NPTN: variants seen among roughly 807,000 people sequenced by gnomAD.
NPTN encodes the protein SDR-1.
A neutral mutation model predicts 42.7 loss-of-function variants in NPTN; 5 were observed. The ratio of observed to expected loss-of-function variants is 0.12; its 90% CI spans 0.06 to 0.25. The LOEUF (loss-of-function observed/expected upper bound fraction) is 0.25. NPTN is among the 10% of genes least tolerant of loss of function. NPTN has a pLI of 1.00. For synonymous variants in NPTN, 180 were observed against 201.9 expected (o/e 0.89, Z 0.92); for missense variants, 307 against 525.4 (o/e 0.58, Z 4.06).
chr15:73,592,167 C>A, intron 2 of NPTN, 30 bp from the exon 3 acceptor site: 2 of 1,592,768 alleles, frequency 1.3e-6, no homozygotes, highest in South Asian at 1.1e-5. Flanking sequence ...TGATAGGGGG[C>A]AATAGCCTTC....
At chr15:73,580,623 G>GTATATATGTATATACATGT (rs1555408100) in intron 4 of NPTN, among the ~76,000 whole-genome samples, 12 of 142,756 alleles carry the variant, frequency 8.4e-5, no homozygotes, top group African/African-American at 3.1e-4. Context: ...TGTTATATAT[G>GTATATATGTATATACATGT]TATATATGTA....
rs1479735985 is a variant in NPTN, at chr15:73,633,106, C to T, written c.91+19G>A. The T allele has an allele frequency of 7.0e-7, 1 of 1,435,574 alleles. No homozygotes were observed. Among genetic ancestry groups the T allele is most frequent in the Non-Finnish European group, 9.1e-7 (1 of 1,096,132 alleles). The allele number at this position is 1,435,574 out of a possible 1,614,324, so 88.9% of individuals were successfully genotyped here. ...CGCCCCTCAACCCCCGCCCGGCCCG[C>T]CCCCGGCGCCCCGCTTACCGTTCTG... On this transcript the variant is annotated intron_variant, in intron 1 of 8. Transcript: ENST00000345330.
At chr15:73,609,592 T>C (rs547148998) in intron 1 of NPTN, among the ~76,000 whole-genome samples, 32 of 152,082 alleles carry the variant, frequency 2.1e-4, no homozygotes, top group Non-Finnish European at 3.8e-4. Context: ...GACGGCGCCA[T>C]TGTACTCCAG....
chr15:73,633,351 T>G lies in NPTN; in HGVS notation c.-136A>C, dbSNP rs1898876018. ...AGGCAGCCGCGGCTCGGCTCCGTCC[T>G]TCCCCGTCCTCCTCCTGCCGCCGCA... On this transcript the variant is annotated 5_prime_UTR_variant, in exon 1 of 9. Transcript: ENST00000345330. 1 of 578,462 alleles carries G rather than the reference T, an allele frequency of 1.7e-6. No homozygotes were observed. The allele number at this position is 578,462 out of a possible 1,614,324, so 35.8% of individuals were successfully genotyped here.
chr15:73,575,396 C>T (rs1358983876), intron 4 of NPTN, among the ~76,000 whole-genome samples: 2 of 152,250 alleles, frequency 1.3e-5, no homozygotes, highest in African/African-American at 4.8e-5. Flanking sequence ...GGATTACAGG[C>T]GTGAGCCACC....
At chr15:73,612,284 G>C (rs1897620815) in intron 1 of NPTN, among the ~76,000 whole-genome samples, 2 of 152,026 alleles carry the variant, frequency 1.3e-5, no homozygotes, top group South Asian at 4.2e-4. Flanking sequence ...GCCAGGCATG[G>C]TGGTATGTAC....
chr15:73,612,335 C>T (rs1018904995), intron 1 of NPTN, among the ~76,000 whole-genome samples: 5 of 151,428 alleles, frequency 3.3e-5, no homozygotes, highest in African/African-American at 1.2e-4. Context: ...TGGAGGAACA[C>T]CTGGACCCAG....
intron 3 of NPTN, among the ~76,000 whole-genome samples, chr15:73,588,223 A>G (rs1219164598): frequency 6.6e-6 from 1 of 152,190 alleles, no homozygotes; most frequent in Non-Finnish European, 1.5e-5. Context: ...AAAAACAAAA[A>G]CAAAAATCAC....
intron 1 of NPTN, among the ~76,000 whole-genome samples, chr15:73,610,582 C>T (rs1350084527): frequency 2.6e-5 from 4 of 152,126 alleles, no homozygotes; most frequent in Non-Finnish European, 5.9e-5. Flanking sequence ...GGAATCTCAG[C>T]CTAAAGCCCA....
chr15:73,600,319 A>G (rs1357402894), intron 1 of NPTN, among the ~76,000 whole-genome samples: 1 of 125,732 alleles, frequency 8.0e-6, no homozygotes, highest in Non-Finnish European at 1.6e-5. Flanking sequence ...TAAAATGCCA[A>G]CAATGGTCTT....
intron 1 of NPTN, among the ~76,000 whole-genome samples, chr15:73,601,269 A>G (rs1897072864): frequency 6.6e-6 from 1 of 152,076 alleles, no homozygotes; most frequent in Non-Finnish European, 1.5e-5. Context: ...ATTCCTTGAT[A>G]GCTGAACACT....
At chr15:73,598,435 C>A (rs1365058114) in intron 1 of NPTN, among the ~76,000 whole-genome samples, 1 of 151,238 alleles carries the variant, frequency 6.6e-6, no homozygotes, top group Non-Finnish European at 1.5e-5. Flanking sequence ...CTTGAGGTTA[C>A]ACTTCCATAA....
chr15:73,563,278 T>C (rs370480868), intron 6 of NPTN, 21 bp from the exon 7 acceptor site: 2 of 1,613,152 alleles, frequency 1.2e-6, no homozygotes, highest in Non-Finnish European at 1.7e-6. Flanking sequence ...TTCAGTTTTT[T>C]AAAAATCCAT....
At chr15:73,610,707 G>A (rs886491688) in intron 1 of NPTN, among the ~76,000 whole-genome samples, 4 of 152,158 alleles carry the variant, frequency 2.6e-5, no homozygotes, top group Non-Finnish European at 5.9e-5. Context: ...CCCTATTTTA[G>A]ACTGTGATAA....
chr15:73,569,051 A>G lies in NPTN; in HGVS notation c.1114+1099T>C. 1 of 985,404 alleles carries G rather than the reference A, an allele frequency of 1.0e-6. No individual in the cohort carries two copies. The highest frequency in any genetic ancestry group is 1.2e-6 in the Non-Finnish European group (1 of 830,052). The allele number at this position is 985,404 out of a possible 1,614,324, so 61.0% of individuals were successfully genotyped here. ...GCAGGATACAGCACCACAGGTGCAC[A>G]AACACAGGCCCCAGAACAGCTGGAC... On this transcript the variant is annotated intron_variant, in intron 6 of 8. Coordinates refer to ENST00000345330, the MANE Select transcript of NPTN (RefSeq NM_012428.4). This position sits in a 1 kb window ranked among gnomAD's most constrained non-coding sequence, Gnocchi z 4.1.
At chr15:73,561,806 C>T (rs953991214) in intron 8 of NPTN, 90 bp downstream of exon 8, 2 of 956,982 alleles carry the variant, frequency 2.1e-6, no homozygotes, top group Non-Finnish European at 3.3e-6. Flanking sequence ...TATCTTATAA[C>T]ACCAATTACT....
At chr15:73,579,439 C>A (rs181982161) in intron 4 of NPTN, among the ~76,000 whole-genome samples, 86 of 151,998 alleles carry the variant, frequency 5.7e-4, no homozygotes, top group Admixed American at 9.8e-4. Flanking sequence ...AAGAAGACAC[C>A]CACTTTGGGC....
At chr15:73,602,548 G>A (rs1897124936) in intron 1 of NPTN, among the ~76,000 whole-genome samples, 1 of 152,190 alleles carries the variant, frequency 6.6e-6, no homozygotes, top group East Asian at 1.9e-4. Context: ...GGCTGTCACA[G>A]ACTTGAGCCT....
At chr15:73,629,928 A>G (rs1178008619) in intron 1 of NPTN, among the ~76,000 whole-genome samples, 15 of 152,212 alleles carry the variant, frequency 9.9e-5, no homozygotes, top group Admixed American at 9.8e-4. Context: ...AATTGCAGAC[A>G]CAGTGCAGCT....
Sources: gnomAD v4.1 joint callset for allele counts (sites outside exome capture counted in the v4.1 genomes callset) on GRCh38, gnomAD v4.1.1 for gene constraint, Gnocchi (gnomAD v3.1) non-coding constraint, MANE v1.5 for transcripts, NCBI Gene and HGNC (gene_info 2026-07-23, HGNC 2026-07-21) for gene names.